TRPM6: variants seen among roughly 807,000 people sequenced by gnomAD.
TRPM6 encodes transient receptor potential cation channel subfamily M member 6, also known as channel kinase 2.
A neutral mutation model predicts 247.6 loss-of-function variants in TRPM6; 111 were observed. That is an observed-to-expected ratio of 0.45 (90% CI 0.38 to 0.52). TRPM6 has a LOEUF of 0.52. Ranked by LOEUF, TRPM6 falls within the 20% of genes least tolerant of loss-of-function variation. The pLI, the probability that TRPM6 is intolerant of heterozygous loss-of-function variation, is 0.00. For missense variants in TRPM6, 2,126 were observed against 2,421.5 expected, an observed-to-expected ratio of 0.88 and a Z score of 2.56; for synonymous variants, 892 against 853.8, an observed-to-expected ratio of 1.04 and a Z score of -0.78.
chr9:74,820,401 TC>T lies in TRPM6; in HGVS notation c.1036del (p.Glu346ArgfsTer5). ...AGTGTTCTGAATCATGCAGATGATCTCCTCTTTCACCTGAGGTCGCAGCATC... is the reference window on the plus strand; with the variant it reads ...AGTGTTCTGAATCATGCAGATGATCTCTCTTTCACCTGAGGTCGCAGCATC... ...EGMLRPQVKE[E>X]IICMIQNTFN... On this transcript the variant is annotated frameshift_variant, in exon 9 of 39. Transcript: ENST00000360774. LOFTEE classifies it high-confidence loss of function. 2 of 1,614,150 alleles carry T rather than the reference TC, an allele frequency of 1.2e-6. No individual in the cohort carries two copies. Among genetic ancestry groups the T allele is most frequent in the Non-Finnish European group, 1.7e-6 (2 of 1,180,006 alleles).
chr9:74,830,444 G>C (rs1268556479), intron 6 of TRPM6, among the ~76,000 whole-genome samples: 1 of 152,082 alleles, frequency 6.6e-6, no homozygotes, highest in African/African-American at 2.4e-5. Context: ...ACCCAGGCTG[G>C]AGTACAGTAG....
intron 7 of TRPM6, among the ~76,000 whole-genome samples, chr9:74,823,171 T>C (rs1023619870): frequency 2.6e-5 from 4 of 152,162 alleles, no homozygotes; most frequent in Non-Finnish European, 4.4e-5. Flanking sequence ...CTGAGCCCCA[T>C]GTTTTCAGGG....
chr9:74,837,394 C>A (rs1195134989), intron 5 of TRPM6, among the ~76,000 whole-genome samples: 1 of 152,128 alleles, frequency 6.6e-6, no homozygotes, highest in Non-Finnish European at 1.5e-5. Flanking sequence ...AGTAGCCAGG[C>A]CATAGAGGAG....
chr9:74,817,436 C>T (rs552185460), intron 9 of TRPM6, among the ~76,000 whole-genome samples: 2 of 152,328 alleles, frequency 1.3e-5, no homozygotes, highest in South Asian at 2.1e-4. Flanking sequence ...GGCGATCCTC[C>T]GGTCTCAGCC....
chr9:74,816,943 A>C lies in TRPM6; in HGVS notation c.1156T>G (p.Ser386Ala). 1.2e-6 allele frequency: 2 copies of C among 1,614,058 alleles called. No individual in the cohort carries two copies. The highest frequency in any genetic ancestry group is 2.2e-5 in the East Asian group (1 of 44,884). Residue 386 changes from serine to alanine, a missense_variant, in exon 10 of 39, where the codon TCT (serine) becomes GCT (alanine). Coordinates refer to ENST00000360774, the MANE Select transcript of TRPM6 (RefSeq NM_017662.5). ...RDCITIFDAD[S>A]EEQQDLDLAI... is the part of the protein sequence containing the mutation. ...AAGTCCAGGTCTTGCTGCTCTTCAG[A>C]GTCAGCATCAAATATGGTAATCTAC...
chr9:74,804,907 AT>A, intron 14 of TRPM6: 1 of 310,458 alleles, frequency 3.2e-6, no homozygotes, highest in Non-Finnish European at 5.8e-6. Flanking sequence ...GATTATAAAT[AT>A]TTATGGAAAA....
At chr9:74,843,596 C>A (rs1010667357) in intron 3 of TRPM6, among the ~76,000 whole-genome samples, 4 of 151,622 alleles carry the variant, frequency 2.6e-5, no homozygotes, top group Non-Finnish European at 5.9e-5. Flanking sequence ...ATCATGAGGT[C>A]AGGAGATCGA....
chr9:74,868,042 T>C (rs191892164), intron 1 of TRPM6, among the ~76,000 whole-genome samples: 1 of 150,438 alleles, frequency 6.6e-6, no homozygotes, highest in African/African-American at 2.5e-5. Context: ...TAATCCCAGC[T>C]ACTCAGGAGG....
At chr9:74,770,204 T>C (rs1478235876) in intron 25 of TRPM6, among the ~76,000 whole-genome samples, 1 of 152,182 alleles carries the variant, frequency 6.6e-6, no homozygotes, top group East Asian at 1.9e-4. Context: ...GTGAACCATT[T>C]AGAAAGTTCT....
Position 74,802,194 on chromosome 9 carries a change from GGAAT to G in TRPM6, c.1732-23_1732-20del. On this transcript the variant is annotated intron_variant, in intron 15 of 38. Coordinates refer to ENST00000360774, the MANE Select transcript of TRPM6 (RefSeq NM_017662.5). ...ACTTTTCCTGTTGGAAAATAAAATAGGAATGAGTTTTCAAATACTCAGATGTATG... is the reference window on the plus strand; with the variant it reads ...ACTTTTCCTGTTGGAAAATAAAATAGGAGTTTTCAAATACTCAGATGTATG... 1.9e-6 allele frequency: 3 copies of G among 1,610,384 alleles called. No homozygotes were observed. The highest frequency in any genetic ancestry group is 2.5e-6 in the Non-Finnish European group (3 of 1,176,884).
intron 1 of TRPM6, among the ~76,000 whole-genome samples, chr9:74,870,735 C>A (rs918743056): frequency 5.3e-5 from 8 of 152,160 alleles, no homozygotes; most frequent in Middle Eastern, 3.4e-3. Context: ...ACAAGCCTGG[C>A]CAACATGGTG....
At chr9:74,794,004 A>G (rs1034379766) in intron 18 of TRPM6, among the ~76,000 whole-genome samples, 1 of 152,170 alleles carries the variant, frequency 6.6e-6, no homozygotes, top group African/African-American at 2.4e-5. Flanking sequence ...GGAAGAGAAA[A>G]GAAAAGAGAA....
Position 74,724,611 on chromosome 9 carries a change from T to C in TRPM6, c.*2A>G, listed in dbSNP as rs754444706. Reference sequence around the variant, plus strand: ...CACTGGGATCTTCTTGCTCCTCCCTTTTTATAGTTGCATATCATCTTCTGG... The same window carrying C: ...CACTGGGATCTTCTTGCTCCTCCCTCTTTATAGTTGCATATCATCTTCTGG... On this transcript the variant is annotated 3_prime_UTR_variant, in exon 39 of 39. Transcript: ENST00000360774. The C allele has an allele frequency of 3.8e-5, 61 of 1,614,002 alleles. No homozygotes were observed. The highest frequency in any genetic ancestry group is 1.6e-4 in the Middle Eastern group (1 of 6,074).
At chr9:74,839,847 AAG>A (rs749869730) in intron 5 of TRPM6, among the ~76,000 whole-genome samples, 175 bp downstream of exon 5, 15 of 131,654 alleles carry the variant, frequency 1.1e-4, no homozygotes, top group Non-Finnish European at 2.3e-4. Flanking sequence ...AGAAAAAGAG[AAG>A]AGAGAGAGGA....
intron 30 of TRPM6, 142 bp downstream of exon 30, chr9:74,750,521 AT>A (rs1826208506): frequency 1.3e-6 from 1 of 768,316 alleles, no homozygotes; most frequent in Non-Finnish European, 2.2e-6. Flanking sequence ...AATCATTTTC[AT>A]TCTGCTAACA....
Position 74,762,766 on chromosome 9 carries a change from T to C in TRPM6, c.3905A>G (p.Glu1302Gly). The C allele has an allele frequency of 6.2e-7, 1 of 1,614,136 alleles. No individual in the cohort carries two copies. The highest frequency in any genetic ancestry group is 8.5e-7 in the Non-Finnish European group (1 of 1,180,032). The change falls in exon 26 of 39, where the codon GAG becomes GGG. Residue 1302 changes from glutamate to glycine, a missense_variant. Coordinates refer to ENST00000360774, the MANE Select transcript of TRPM6 (RefSeq NM_017662.5). ...PPRVQRGALL[E>G]ITNSKREATN... ...AGCCTCTCTTTTACTGTTTGTAATC[T>C]CAAGAAGTGCCCCCCTCTGCACTCT...
chr9:74,755,602 A>G (rs556323237), intron 27 of TRPM6, 129 bp from the exon 28 acceptor site: 356 of 1,173,448 alleles, frequency 3.0e-4, no homozygotes, highest in Non-Finnish European at 4.4e-4. Context: ...TTGCCTGGGA[A>G]GTGCTGACAA....
intron 7 of TRPM6, among the ~76,000 whole-genome samples, chr9:74,823,569 C>T (rs1190597797): frequency 2.0e-5 from 3 of 152,128 alleles, no homozygotes; most frequent in East Asian, 3.9e-4. Context: ...TACACCTCCA[C>T]CTCATTATTT....
chr9:74,788,797 C>G, intron 19 of TRPM6, 55 bp from the exon 20 acceptor site: 1 of 1,602,350 alleles, frequency 6.2e-7, no homozygotes, highest in Non-Finnish European at 8.5e-7. Context: ...ATGGAGCATG[C>G]CAAGGAGACG....
Sources: allele counts gnomAD v4.1 joint callset (sites outside exome capture counted in the v4.1 genomes callset), GRCh38; gene constraint gnomAD v4.1.1; transcripts MANE v1.5; gene names NCBI Gene and HGNC (gene_info 2026-07-23, HGNC 2026-07-21).